FAM117A: variants seen among roughly 807,000 people sequenced by gnomAD.
FAM117A encodes protein FAM117A.
A neutral mutation model predicts 44.1 loss-of-function variants in FAM117A; 21 were observed. The ratio of observed to expected loss-of-function variants is 0.48; its 90% confidence interval spans 0.34 to 0.69. The LOEUF is 0.69. Ranked by LOEUF, FAM117A falls within the 30% of genes least tolerant of loss-of-function variation. FAM117A has a pLI of 0.01. For missense variants in FAM117A, 498 were observed against 589.9 expected, an observed-to-expected ratio of 0.84 and a Z score of 1.61; for synonymous variants, 220 against 238.3, an observed-to-expected ratio of 0.92 and a Z score of 0.71.
intron 1 of FAM117A, among the ~76,000 whole-genome samples, chr17:49,773,133 G>A (rs2073766037): frequency 2.0e-5 from 3 of 152,104 alleles, no homozygotes; most frequent in South Asian, 4.1e-4. Flanking sequence ...GTGAAACCCC[G>A]TCTCTACTAA....
chr17:49,785,541 T>C (rs1187241689), intron 1 of FAM117A, among the ~76,000 whole-genome samples: 1 of 151,964 alleles, frequency 6.6e-6, no homozygotes, highest in African/African-American at 2.4e-5. Flanking sequence ...AACAAAAACT[T>C]GTCCAAGAGT....
chr17:49,729,221 T>C (rs752976339), intron 2 of FAM117A, among the ~76,000 whole-genome samples: 15 of 152,144 alleles, frequency 9.9e-5, no homozygotes, highest in Non-Finnish European at 1.9e-4. Context: ...CCTGGTCTCC[T>C]CTCAGGGATT....
chr17:49,719,536 CT>C, intron 5 of FAM117A: 1 of 444,064 alleles, frequency 2.3e-6, no homozygotes. Flanking sequence ...TCCTTGCCCC[CT>C]GTCTTTGTAC....
At chr17:49,758,669 AT>A (rs2073710272) in intron 1 of FAM117A, among the ~76,000 whole-genome samples, 1 of 150,186 alleles carries the variant, frequency 6.7e-6, no homozygotes, top group African/African-American at 2.4e-5. Context: ...AAATAAATAA[AT>A]AAATAAATAA....
chr17:49,740,942 G>A (rs1487790864), intron 1 of FAM117A, among the ~76,000 whole-genome samples: 1 of 152,158 alleles, frequency 6.6e-6, no homozygotes, highest in African/African-American at 2.4e-5. Flanking sequence ...ATAGACTGTG[G>A]GGTAGAGGCT....
intron 1 of FAM117A, among the ~76,000 whole-genome samples, chr17:49,769,412 G>A (rs2073754452): frequency 6.6e-6 from 1 of 152,000 alleles, no homozygotes; most frequent in South Asian, 2.1e-4. Context: ...TAAAACTTTA[G>A]AATAGGCCGG....
chr17:49,760,240 G>A lies in FAM117A; in HGVS notation c.196+3652C>T, dbSNP rs538155202. On this transcript the variant is annotated intron_variant, in intron 1 of 7. Transcript: ENST00000240364. ...ATAGAGTGGGACTACAGGCTTGTTC[G>A]TTTTCTTTACCCCCTTAGAATTTTC... 7.2e-5 allele frequency among the ~76,000 whole-genome samples: 11 copies of A among 152,116 alleles called. No homozygotes were observed. In the South Asian group the frequency reaches 1.7e-3, roughly 23 times the overall value.
chr17:49,770,512 A>G (rs1157977217), intron 1 of FAM117A, among the ~76,000 whole-genome samples: 1 of 152,182 alleles, frequency 6.6e-6, no homozygotes, highest in Non-Finnish European at 1.5e-5. Context: ...AGCAGGGATT[A>G]CCTGCCAATG....
At chr17:49,714,482 C>A (rs2073492982) in intron 7 of FAM117A, among the ~76,000 whole-genome samples, 1 of 150,920 alleles carries the variant, frequency 6.6e-6, no homozygotes, top group South Asian at 2.1e-4. Flanking sequence ...GGATTACAGG[C>A]ATGCACTAAC....
At chr17:49,747,661 T>C (rs1481692519) in intron 1 of FAM117A, among the ~76,000 whole-genome samples, 1 of 152,174 alleles carries the variant, frequency 6.6e-6, no homozygotes, top group Non-Finnish European at 1.5e-5. Flanking sequence ...TCAAGCTCTA[T>C]CTACTTCATG....
upstream of FAM117A, chr17:49,788,852 G>A (rs371193337): frequency 7.6e-6 from 12 of 1,588,212 alleles, no homozygotes; most frequent in African/African-American, 2.7e-5. Context: ...GAAGGAAGGT[G>A]AGAAACGGGA....
At chr17:49,775,280 G>A (rs373141891) in intron 1 of FAM117A, among the ~76,000 whole-genome samples, 15 of 152,250 alleles carry the variant, frequency 9.9e-5, no homozygotes, top group African/African-American at 3.1e-4. Flanking sequence ...GAGCCACTGC[G>A]CCCGGCACTG....
upstream of FAM117A, chr17:49,788,727 C>T: frequency 3.2e-6 from 4 of 1,242,228 alleles, no homozygotes; most frequent in Non-Finnish European, 4.4e-6. Flanking sequence ...AGGGATCGTC[C>T]GCAGGATTGG....
At position 49,734,100 on chromosome 17, in the gene FAM117A, G is replaced by A. The variant is rs147604653; in HGVS notation, c.197-1380C>T. On this transcript the variant is annotated intron_variant, in intron 1 of 7. Coordinates refer to ENST00000240364, the MANE Select transcript of FAM117A (RefSeq NM_030802.4). ...AGTGCTTGCAGTGAGTCGAGATCACGCCACTGCTCTCCAGCCTGGACAACA... is the reference window on the plus strand; with the variant it reads ...AGTGCTTGCAGTGAGTCGAGATCACACCACTGCTCTCCAGCCTGGACAACA... Among the ~76,000 whole-genome samples, 1,242 of 146,626 alleles carry A rather than the reference G, an allele frequency of 8.5e-3. 10 individuals are homozygous for A. Among genetic ancestry groups the A allele is most frequent in the Non-Finnish European group, 0.011 (725 of 67,040 alleles).
intron 3 of FAM117A, 121 bp from the exon 4 acceptor site, chr17:49,720,557 G>GA: frequency 2.8e-6 from 2 of 704,534 alleles, no homozygotes; most frequent in African/African-American, 1.8e-5. Flanking sequence ...GAGGATGGAA[G>GA]TTAATCTTCC....
chr17:49,775,020 C>G (rs1033001769), intron 1 of FAM117A, among the ~76,000 whole-genome samples: 2 of 151,968 alleles, frequency 1.3e-5, no homozygotes, highest in South Asian at 2.1e-4. Flanking sequence ...CTCTGGCCCC[C>G]CTCTGTTGCC....
chr17:49,728,864 C>A (rs1402142322), intron 2 of FAM117A, among the ~76,000 whole-genome samples: 1 of 152,196 alleles, frequency 6.6e-6, no homozygotes, highest in Non-Finnish European at 1.5e-5. Context: ...TCCCCAATTA[C>A]CATGTTCACA....
At chr17:49,725,580 C>G (rs571050611) in intron 2 of FAM117A, among the ~76,000 whole-genome samples, 1 of 152,250 alleles carries the variant, frequency 6.6e-6, no homozygotes, top group South Asian at 2.1e-4. Context: ...GAGTCATGTG[C>G]GTATCTGAGG....
chr17:49,780,420 A>G (rs1307957996), intron 1 of FAM117A, among the ~76,000 whole-genome samples: 1 of 152,138 alleles, frequency 6.6e-6, no homozygotes, highest in Non-Finnish European at 1.5e-5. Flanking sequence ...CCCTCCACAC[A>G]TGCTGGGGTA....
Sources: allele counts gnomAD v4.1 joint callset (sites outside exome capture counted in the v4.1 genomes callset), GRCh38; gene constraint gnomAD v4.1.1; transcripts MANE v1.5; gene names NCBI Gene and HGNC (gene_info 2026-07-23, HGNC 2026-07-21).